Variants in TP53I13 observed in about 807,000 individuals in gnomAD.
TP53I13 encodes tumor protein p53 inducible protein 13.
Under a neutral mutation model 39.1 loss-of-function variants are expected in TP53I13, and 27 were observed. The observed-to-expected ratio is 0.69, with a 90% CI of 0.51 to 0.95. TP53I13 has a LOEUF of 0.95. TP53I13 is among the 40% of genes least tolerant of loss of function. The pLI is 0.00. For synonymous variants in TP53I13, 230 were observed against 224.6 expected (o/e 1.02, Z -0.22); for missense variants, 544 against 520.4 (o/e 1.05, Z -0.44).
chr17:29,582,133 C>T, the TP53I13 span: 32 of 1,575,662 alleles, frequency 2.0e-5, no homozygotes, highest in African/African-American at 2.7e-5. Flanking sequence ...TCCGCACGCT[C>T]GAGTGTAGTT....
chr17:29,568,863 C>T lies in TP53I13; in HGVS notation c.72+33C>T. 6.3e-7 allele frequency: 1 copy of T among 1,599,738 alleles called. No individual in the cohort carries two copies. Among genetic ancestry groups the T allele is most frequent in the Non-Finnish European group, 8.5e-7 (1 of 1,179,114 alleles). Reference sequence around the variant, plus strand: ...GACCCGCTCCTGGGAAGGCCTCGGCCCGCGAGCTCAAAGCGCTTTGCCAAA... The same window carrying T: ...GACCCGCTCCTGGGAAGGCCTCGGCTCGCGAGCTCAAAGCGCTTTGCCAAA... On this transcript the variant is annotated intron_variant, in intron 1 of 6. Coordinates refer to ENST00000301057, the MANE Select transcript of TP53I13 (RefSeq NM_138349.4). The surrounding 1 kb of genome is among the most constrained non-coding windows in gnomAD (Gnocchi z 4.5).
downstream of TP53I13, chr17:29,577,296 G>C (rs1395972415): frequency 5.4e-5 from 78 of 1,445,660 alleles, no homozygotes; most frequent in Non-Finnish European, 7.4e-5. Context: ...CCTTATGACT[G>C]ACGCAGGACG....
chr17:29,573,031 G>A lies in TP53I13; in HGVS notation c.*107G>A, dbSNP rs779276418. ...GGCGCTCCCTGGTGGCGATGGCGCG[G>A]CACTGGCCGAGCACTGCGGGGGCTT... On this transcript the variant is annotated 3_prime_UTR_variant, in exon 7 of 7. Transcript: ENST00000301057. 29 of 933,136 alleles carry A rather than the reference G, an allele frequency of 3.1e-5. No individual in the cohort carries two copies. Among genetic ancestry groups the A allele is most frequent in the Non-Finnish European group, 4.1e-5 (28 of 688,966 alleles). 57.8% of individuals were successfully genotyped at this position (933,136 alleles called of 1,614,324 possible).
intron 3 of TP53I13, chr17:29,569,649 TAGCTGGAAAAAACCCAGGC>T (rs1468327395): frequency 6.1e-6 from 2 of 325,806 alleles, no homozygotes; most frequent in African/African-American, 4.2e-5. Flanking sequence ...TCTCTGAGAG[TAGCTGGAAAAAACCCAGGC>T]TCCAGCTCCC....
downstream of TP53I13, chr17:29,573,763 G>C (rs1455359449): frequency 6.6e-6 from 1 of 152,658 alleles, no homozygotes; most frequent in Non-Finnish European, 1.5e-5. Flanking sequence ...ACCCCGGGGA[G>C]CCAGCCCCAG....
At chr17:29,567,869 G>C (rs2032762842), upstream of TP53I13, among the ~76,000 whole-genome samples, 1 of 152,096 alleles carries the variant, frequency 6.6e-6, no homozygotes, top group South Asian at 2.1e-4. The surrounding 1 kb of genome is among the most constrained non-coding windows in gnomAD (Gnocchi z 6.6). Flanking sequence ...CCAAGCTTTG[G>C]GATAGGCATC....
At chr17:29,568,698 C>T (rs924195869), upstream of TP53I13, 44 of 1,139,616 alleles carry the variant, frequency 3.9e-5, no homozygotes, top group African/African-American at 2.4e-4. This position sits in a 1 kb window ranked among gnomAD's most constrained non-coding sequence, Gnocchi z 4.5. Context: ...AGGGGCGGGG[C>T]GCGCGCGCTC....
chr17:29,576,941 G>A (rs375015355), downstream of TP53I13: 289 of 1,596,326 alleles, frequency 1.8e-4, 1 homozygote, highest in East Asian at 2.0e-3. Context: ...CCACGCTGTC[G>A]TAGTCGTGTT....
the TP53I13 span, chr17:29,581,597 G>A: frequency 3.1e-5 from 22 of 713,444 alleles, 1 homozygote; most frequent in South Asian, 4.9e-5. The surrounding 1 kb of genome is among the most constrained non-coding windows in gnomAD (Gnocchi z 4.8). Flanking sequence ...AGAGCCTGCA[G>A]TAATTTCACA....
chr17:29,572,520 C>T lies in TP53I13; in HGVS notation c.892C>T (p.Arg298Trp), dbSNP rs1457007645. The T allele has an allele frequency of 1.2e-6, 2 of 1,605,454 alleles. No homozygotes were observed. Among genetic ancestry groups the T allele is most frequent in the Non-Finnish European group, 8.5e-7 (1 of 1,176,616 alleles). ...SPAPRAAAPP[R>W]AARGPTPRTE... ...GGCCCCTCGCGCAGCAGCGCCTCCA[C>T]GGGCAGCCCGGGGCCCCACCCCACG... Residue 298 changes from arginine (R) to tryptophan (W), a missense_variant, in exon 6 of 7, where the codon CGG (arginine) becomes TGG (tryptophan). By Grantham distance (101) the Arg-to-Trp change is moderately radical. Coordinates refer to ENST00000301057, the MANE Select transcript of TP53I13 (RefSeq NM_138349.4).
rs2032810693 is a variant in TP53I13, at chr17:29,568,847, C to T, written c.72+17C>T. 1.3e-6 allele frequency: 2 copies of T among 1,599,888 alleles called. No individual in the cohort carries two copies. Among genetic ancestry groups the T allele is most frequent in the East Asian group, 2.2e-5 (1 of 44,826 alleles). On this transcript the variant is annotated intron_variant, in intron 1 of 6. Transcript: ENST00000301057. This position sits in a 1 kb window ranked among gnomAD's most constrained non-coding sequence, Gnocchi z 4.5. ...CCCAGCGAGGTAAGGTGACCCGCTC[C>T]TGGGAAGGCCTCGGCCCGCGAGCTC...
chr17:29,568,811 G>A lies in TP53I13; in HGVS notation c.53G>A (p.Arg18Lys), dbSNP rs762165012. Residue 18 changes from arginine (R) to lysine (K), a missense_variant, in exon 1 of 7, where the codon AGG becomes AAG. Physicochemically the swap from Arg to Lys is conservative, Grantham distance 26. Transcript: ENST00000301057. This position sits in a 1 kb window ranked among gnomAD's most constrained non-coding sequence, Gnocchi z 4.5. ...PQLLLLAALA[R>K]LLGPSEVMAG... ...CTGCTTCTCCTGGCAGCCCTCGCGA[G>A]GCTCCTGGGTCCCAGCGAGGTAAGG... The A allele has an allele frequency of 5.6e-6, 9 of 1,599,090 alleles. No homozygotes were observed. The highest frequency in any genetic ancestry group is 7.6e-6 in the Non-Finnish European group (9 of 1,179,370).
chr17:29,579,040 A>G, the TP53I13 span: 1 of 1,569,120 alleles, frequency 6.4e-7, no homozygotes, highest in Non-Finnish European at 8.8e-7. Flanking sequence ...GGCGGCAGTT[A>G]CCCAGGAGCA....
chr17:29,575,282 C>T (rs377389432), downstream of TP53I13: 54 of 1,609,114 alleles, frequency 3.4e-5, no homozygotes, highest in Non-Finnish European at 4.3e-5. This position sits in a 1 kb window ranked among gnomAD's most constrained non-coding sequence, Gnocchi z 5.5. Flanking sequence ...CCCCTCCACT[C>T]AGTACCTGTC....
chr17:29,572,959 T>A lies in TP53I13; in HGVS notation c.*35T>A, dbSNP rs921608494. ...ACCTGCCACTGTGGCGTGCGGCTCCTCCCCGCGCCGCGAGGCCGCGACCTC... is the reference window on the plus strand; with the variant it reads ...ACCTGCCACTGTGGCGTGCGGCTCCACCCCGCGCCGCGAGGCCGCGACCTC... On this transcript the variant is annotated 3_prime_UTR_variant, in exon 7 of 7. Coordinates refer to ENST00000301057, the MANE Select transcript of TP53I13 (RefSeq NM_138349.4). The A allele has an allele frequency of 7.3e-6, 10 of 1,363,792 alleles. No individual in the cohort carries two copies. In the East Asian group the frequency reaches 3.1e-4, roughly 42 times the overall value. The allele number at this position is 1,363,792 out of a possible 1,614,324, so 84.5% of individuals were successfully genotyped here. A position where few individuals can be genotyped will look rare whatever the true frequency, so the allele number is the denominator to read the frequency against.
rs946771499 is a variant in TP53I13 at position 29,572,860 on chromosome 17, C to T, written c.1118C>T (p.Ser373Leu). 3.3e-6 allele frequency: 5 copies of T among 1,523,682 alleles called. No individual in the cohort carries two copies. In the South Asian group the frequency reaches 3.6e-5, roughly 11 times the overall value. 94.4% of individuals were successfully genotyped at this position (1,523,682 alleles called of 1,614,324 possible). ...LLQPSRRVKR[S>L]RRRPLLPPTP... ...CAGCCCTCGCGCCGGGTCAAGCGCT[C>T]GCGCCGGAGACCCCTCCTCCCGCCC... The change falls in exon 7 of 7, where the codon TCG (serine) becomes TTG (leucine). Residue 373 changes from serine to leucine, a missense_variant. By Grantham distance (145) the Ser-to-Leu change is moderately radical. Coordinates refer to ENST00000301057, the MANE Select transcript of TP53I13 (RefSeq NM_138349.4).
At chr17:29,575,463 C>T (rs2033158356), downstream of TP53I13, 1 of 1,602,958 alleles carries the variant, frequency 6.2e-7, no homozygotes, top group Non-Finnish European at 8.5e-7. The surrounding 1 kb of genome is among the most constrained non-coding windows in gnomAD (Gnocchi z 5.5). Flanking sequence ...AACCTCTTCC[C>T]TTCCAGCCTG....
At chr17:29,568,638 G>C (rs549203183), upstream of TP53I13, 394 of 601,156 alleles carry the variant, frequency 6.6e-4, no homozygotes, top group African/African-American at 7.8e-3. The surrounding 1 kb of genome is among the most constrained non-coding windows in gnomAD (Gnocchi z 4.5). Flanking sequence ...GCGAGCCCAG[G>C]GCCAACGGAC....
Position 29,568,710 on chromosome 17 carries a change from C to T in TP53I13, c.-49C>T. 7.8e-7 allele frequency: 1 copy of T among 1,290,046 alleles called. No homozygotes were observed. The highest frequency in any genetic ancestry group is 1.7e-5 in the South Asian group (1 of 58,420). 79.9% of individuals were successfully genotyped at this position (1,290,046 alleles called of 1,614,324 possible). On this transcript the variant is annotated 5_prime_UTR_variant, in exon 1 of 7. Transcript: ENST00000301057. This position sits in a 1 kb window ranked among gnomAD's most constrained non-coding sequence, Gnocchi z 4.5. ...TGGAGGGGCGGGGCGCGCGCGCTCC[C>T]TCGCTGGCGGAGCGGCTGGGCGGCG...
Sources: allele counts gnomAD v4.1 joint callset (sites outside exome capture counted in the v4.1 genomes callset), GRCh38; gene constraint gnomAD v4.1.1; non-coding constraint Gnocchi (gnomAD v3.1); transcripts MANE v1.5; gene names NCBI Gene and HGNC (gene_info 2026-07-23, HGNC 2026-07-21).